PPP1R12B: variants seen among roughly 807,000 people sequenced by gnomAD.
The protein encoded by PPP1R12B is myosin phosphatase target subunit 2.
A neutral mutation model predicts 126.1 loss-of-function variants in PPP1R12B; 76 were observed. The observed-to-expected ratio is 0.60, with a 90% CI of 0.50 to 0.73. The LOEUF (loss-of-function observed/expected upper bound fraction) is 0.73, where lower values mean the gene tolerates loss of function less well. PPP1R12B is among the 30% of genes least tolerant of loss of function. The pLI is 0.00. For missense variants in PPP1R12B, 1,052 were observed against 1,205.1 expected (o/e 0.87, Z 1.88); for synonymous variants, 356 against 434.7 (o/e 0.82, Z 2.25).
intron 18 of PPP1R12B, among the ~76,000 whole-genome samples, chr1:202,548,348 ATGTTT>A (rs201822057): frequency 7.9e-5 from 12 of 152,206 alleles, no homozygotes; most frequent in African/African-American, 1.4e-4. Flanking sequence ...AAAAGTCAGA[ATGTTT>A]TGTTTTGTTT....
chr1:202,431,281 A>C (rs1670153890), intron 7 of PPP1R12B, among the ~76,000 whole-genome samples, 199 bp from the exon 8 acceptor site: 1 of 152,202 alleles, frequency 6.6e-6, no homozygotes, highest in Admixed American at 6.5e-5. Context: ...AGCAGGCCAG[A>C]TTTCCTTGAG....
At chr1:202,444,973 G>A (rs1056420070) in intron 12 of PPP1R12B, 4 of 1,176,130 alleles carry the variant, frequency 3.4e-6, no homozygotes, top group Non-Finnish European at 3.2e-6. Context: ...CACAATCTGG[G>A]TGGGAAGGTG....
At chr1:202,423,467 T>C (rs1292558891) in intron 3 of PPP1R12B, among the ~76,000 whole-genome samples, 2 of 152,230 alleles carry the variant, frequency 1.3e-5, no homozygotes, top group Non-Finnish European at 2.9e-5. Flanking sequence ...CAATTCTTGC[T>C]ATGCGCATTG....
chr1:202,387,380 C>A (rs1265057106), intron 1 of PPP1R12B, among the ~76,000 whole-genome samples: 1 of 152,162 alleles, frequency 6.6e-6, no homozygotes, highest in Non-Finnish European at 1.5e-5. Context: ...TGGGGATCAT[C>A]TCTGCTTAGT....
At chr1:202,361,196 A>G (rs1449987357) in intron 1 of PPP1R12B, among the ~76,000 whole-genome samples, 1 of 152,134 alleles carries the variant, frequency 6.6e-6, no homozygotes. Flanking sequence ...CCCGGCCTCC[A>G]TTAACTCTTA....
intron 18 of PPP1R12B, among the ~76,000 whole-genome samples, chr1:202,509,904 A>G (rs1464242461): frequency 6.6e-6 from 1 of 152,194 alleles, no homozygotes; most frequent in Non-Finnish European, 1.5e-5. Context: ...TAAGGAAAAA[A>G]GTGATGAAAA....
At chr1:202,439,402 G>A in intron 10 of PPP1R12B, 1 of 1,239,968 alleles carries the variant, frequency 8.1e-7, no homozygotes. Context: ...GCACAGCGGA[G>A]CACGGAGACC....
intron 1 of PPP1R12B, among the ~76,000 whole-genome samples, chr1:202,396,538 C>A (rs1665009144): frequency 6.6e-6 from 1 of 152,170 alleles, no homozygotes; most frequent in African/African-American, 2.4e-5. Context: ...GCTCCTACCA[C>A]TACCTCTGTT....
chr1:202,363,122 C>G (rs1410379703), intron 1 of PPP1R12B, among the ~76,000 whole-genome samples: 1 of 152,202 alleles, frequency 6.6e-6, no homozygotes, highest in African/African-American at 2.4e-5. Flanking sequence ...GCATGAGCCA[C>G]CATATCCAGC....
rs1192566082 is a variant in PPP1R12B, at chr1:202,591,619, C to G, written c.*11059C>G. On this transcript the variant is annotated 3_prime_UTR_variant, in exon 24 of 24. Transcript: ENST00000608999. The stretch of plus-strand genomic sequence containing the variant: ...GGGATCGCTGGTAGCCCTGAGGTTG[C>G]CCCGCTATTGGGCTGCTTTCTGTCA... The G allele has an allele frequency of 6.5e-6, 1 of 152,710 alleles. No individual in the cohort carries two copies. The highest frequency in any genetic ancestry group is 1.5e-5 in the Non-Finnish European group (1 of 68,422). The allele number at this position is 152,710 out of a possible 1,614,324, so 9.5% of individuals were successfully genotyped here.
At chr1:202,528,886 T>C (rs1683635551) in intron 18 of PPP1R12B, among the ~76,000 whole-genome samples, 1 of 152,184 alleles carries the variant, frequency 6.6e-6, no homozygotes, top group Non-Finnish European at 1.5e-5. Flanking sequence ...GAAAAACTTT[T>C]ATGTCATCTT....
intron 1 of PPP1R12B, among the ~76,000 whole-genome samples, chr1:202,410,527 T>C (rs1667250172): frequency 6.6e-6 from 1 of 152,210 alleles, no homozygotes; most frequent in South Asian, 2.1e-4. Context: ...TTGCAGGCTA[T>C]TTTGGGAACC....
At chr1:202,449,248 T>C (rs1672635271) in intron 13 of PPP1R12B, 77 bp downstream of exon 13, 1 of 1,482,184 alleles carries the variant, frequency 6.7e-7, no homozygotes, top group East Asian at 2.5e-5. Flanking sequence ...AAAGTGTTTT[T>C]CCCAATTTCA....
chr1:202,462,704 G>A (rs1296840228), intron 13 of PPP1R12B: 2 of 935,790 alleles, frequency 2.1e-6, no homozygotes, highest in Admixed American at 6.2e-5. Context: ...ACCCTCCCTT[G>A]TTTTTTATCA....
intron 18 of PPP1R12B, among the ~76,000 whole-genome samples, chr1:202,514,091 T>C (rs1199489772): frequency 6.6e-6 from 1 of 152,210 alleles, no homozygotes; most frequent in East Asian, 1.9e-4. Context: ...GTTTTTTCTT[T>C]TCTTTTCTTT....
chr1:202,416,520 C>A (rs1668079503), intron 1 of PPP1R12B, among the ~76,000 whole-genome samples: 2 of 92,170 alleles, frequency 2.2e-5, no homozygotes, highest in African/African-American at 3.8e-5. Context: ...GAGTGAAACT[C>A]TGTCTAAAAA....
At chr1:202,507,199 C>T (rs114410489) in intron 18 of PPP1R12B, among the ~76,000 whole-genome samples, 3,448 of 152,244 alleles carry the variant, frequency 0.023, 134 homozygotes, top group African/African-American at 0.077. Context: ...TTACATAATG[C>T]GTACATCATG....
intron 18 of PPP1R12B, among the ~76,000 whole-genome samples, chr1:202,504,378 G>A (rs1463770614): frequency 6.6e-6 from 1 of 152,078 alleles, no homozygotes; most frequent in Non-Finnish European, 1.5e-5. Context: ...GGGCAACAGA[G>A]CGAGACCCTG....
At chr1:202,486,648 T>TA (rs1405038798) in intron 13 of PPP1R12B, among the ~76,000 whole-genome samples, 2 of 151,744 alleles carry the variant, frequency 1.3e-5, no homozygotes, top group Admixed American at 6.6e-5. Context: ...CTACTAAAAA[T>TA]AAAAAAAAGT....
Sources: gnomAD v4.1 joint callset for allele counts (sites outside exome capture counted in the v4.1 genomes callset) on GRCh38, gnomAD v4.1.1 for gene constraint, MANE v1.5 for transcripts, NCBI Gene and HGNC (gene_info 2026-07-23, HGNC 2026-07-21) for gene names.